PEX5L: variants seen among roughly 807,000 people sequenced by gnomAD.
PEX5L encodes the protein peroxisomal biogenesis factor 5 like.
PEX5L carries 30 observed loss-of-function variants against 84.0 expected under a neutral mutation model. The observed-to-expected ratio is 0.36, with a 90% CI of 0.27 to 0.48. PEX5L has a LOEUF of 0.48. PEX5L is among the 20% of genes least tolerant of loss of function. PEX5L has a pLI of 0.99. For synonymous variants in PEX5L, 270 were observed against 283.1 expected (o/e 0.95, Z 0.46); for missense variants, 533 against 754.6 (o/e 0.71, Z 3.44).
chr3:179,966,446 C>A (rs1783362735), intron 2 of PEX5L, among the ~76,000 whole-genome samples: 1 of 152,138 alleles, frequency 6.6e-6, no homozygotes, highest in Admixed American at 6.6e-5. Context: ...AAAGCATTGG[C>A]CAGATGGGGC....
At chr3:180,024,748 G>C (rs573750212) in intron 1 of PEX5L, among the ~76,000 whole-genome samples, 1 of 152,042 alleles carries the variant, frequency 6.6e-6, no homozygotes, top group South Asian at 2.1e-4. Flanking sequence ...GTCAGGGCTG[G>C]GGGTATAAGC....
chr3:179,900,722 G>T (rs1297013920), intron 2 of PEX5L: 2 of 1,535,272 alleles, frequency 1.3e-6, no homozygotes, highest in African/African-American at 2.7e-5. Context: ...TTTCTTCAAG[G>T]TTACACCTAC....
chr3:179,923,105 C>T (rs185170929), intron 2 of PEX5L, among the ~76,000 whole-genome samples: 223 of 151,110 alleles, frequency 1.5e-3, no homozygotes, highest in Middle Eastern at 3.4e-3. Flanking sequence ...CTGGCTAACA[C>T]GGTGAAAACC....
intron 9 of PEX5L, 43 bp downstream of exon 9, chr3:179,819,808 TCCAAAAAGG>T (rs1727718225): frequency 6.7e-7 from 1 of 1,485,200 alleles, no homozygotes; most frequent in South Asian, 1.1e-5. Context: ...TAAAATATGA[TCCAAAAAGG>T]TGGAGAAAAG....
intron 2 of PEX5L, among the ~76,000 whole-genome samples, chr3:179,955,698 T>C (rs1384249124): frequency 6.6e-6 from 1 of 152,144 alleles, no homozygotes; most frequent in Non-Finnish European, 1.5e-5. Flanking sequence ...TAAAGTACCA[T>C]TATTTCTTTA....
Position 180,004,207 on chromosome 3 carries a change from T to A in PEX5L, c.21+32372A>T, listed in dbSNP as rs1446874550. ...ATATCTTACCAGTAGATTTCTATGG[T>A]CCTCAAACGTAATGTTTAGAGACCA... On this transcript the variant is annotated intron_variant, in intron 1 of 14. Coordinates refer to ENST00000467460, the MANE Select transcript of PEX5L (RefSeq NM_016559.3). Among the ~76,000 whole-genome samples, 10 of 152,356 alleles carry A rather than the reference T, an allele frequency of 6.6e-5. No individual in the cohort carries two copies. In the South Asian group the frequency reaches 1.0e-3, roughly 16 times the overall value.
In PEX5L at chr3:179,795,363, T is replaced by G. The variant is rs959736980; in HGVS notation, c.*6465A>C. ...GTACAAAAATACTACCTTAATCTTG[T>G]TACGCAAATTAGAAGCCAACTGAGT... On this transcript the variant is annotated 3_prime_UTR_variant, in exon 15 of 15. Transcript: ENST00000467460. 1.3e-5 allele frequency: 2 copies of G among 152,202 alleles called. No homozygotes were observed. Among genetic ancestry groups the G allele is most frequent in the East Asian group, 3.8e-4 (2 of 5,208 alleles). The allele number at this position is 152,202 out of a possible 1,614,324, so 9.4% of individuals were successfully genotyped here.
At chr3:179,818,807 G>A (rs1317987451) in intron 9 of PEX5L, among the ~76,000 whole-genome samples, 1 of 151,254 alleles carries the variant, frequency 6.6e-6, no homozygotes, top group Non-Finnish European at 1.5e-5. Context: ...ATGGCTGAAT[G>A]GTACTCCATT....
chr3:179,928,140 G>T (rs1454763602), intron 2 of PEX5L, among the ~76,000 whole-genome samples: 1 of 152,128 alleles, frequency 6.6e-6, no homozygotes, highest in Non-Finnish European at 1.5e-5. Flanking sequence ...TTTAACATTT[G>T]CCAACAATTC....
At chr3:179,910,527 TA>T (rs1427694611) in intron 2 of PEX5L, among the ~76,000 whole-genome samples, 1 of 152,184 alleles carries the variant, frequency 6.6e-6, no homozygotes, top group Admixed American at 6.5e-5. Flanking sequence ...GAAAACAAAT[TA>T]AAAAAAGAAC....
chr3:179,919,350 T>G (rs1324203800), intron 2 of PEX5L, among the ~76,000 whole-genome samples: 1 of 152,224 alleles, frequency 6.6e-6, no homozygotes, highest in South Asian at 2.1e-4. Context: ...TTGATAAGTA[T>G]GTATGAGCTA....
At chr3:179,995,385 G>A (rs1787794280) in intron 1 of PEX5L, among the ~76,000 whole-genome samples, 1 of 151,792 alleles carries the variant, frequency 6.6e-6, no homozygotes, top group Non-Finnish European at 1.5e-5. Context: ...TTCTGGAGTT[G>A]GCTGCTTAAT....
At chr3:180,023,782 A>T (rs1373672395) in intron 1 of PEX5L, among the ~76,000 whole-genome samples, 21 of 146,072 alleles carry the variant, frequency 1.4e-4, no homozygotes, top group Admixed American at 1.4e-3. Flanking sequence ...AGAGAGAGAG[A>T]GAGAGAGAGA....
At chr3:179,922,198 T>TG (rs1769665686) in intron 2 of PEX5L, among the ~76,000 whole-genome samples, 1 of 152,188 alleles carries the variant, frequency 6.6e-6, no homozygotes, top group South Asian at 2.1e-4. Context: ...TGTCCCAGGC[T>TG]GGGGGAATGT....
intron 7 of PEX5L, among the ~76,000 whole-genome samples, chr3:179,871,261 C>A (rs951251703): frequency 6.6e-6 from 1 of 151,988 alleles, no homozygotes; most frequent in African/African-American, 2.4e-5. Flanking sequence ...CACCACCAGG[C>A]CTGGCTAAAT....
chr3:179,873,008 G>T (rs1750889529), intron 7 of PEX5L, among the ~76,000 whole-genome samples: 1 of 152,160 alleles, frequency 6.6e-6, no homozygotes, highest in Admixed American at 6.5e-5. Context: ...TAAGATCTGG[G>T]AGCAGTAATC....
At chr3:179,942,690 G>A (rs556828862) in intron 2 of PEX5L, among the ~76,000 whole-genome samples, 1 of 152,342 alleles carries the variant, frequency 6.6e-6, no homozygotes, top group Admixed American at 6.5e-5. Flanking sequence ...GAGTTCACCT[G>A]TCAACTGAGT....
At chr3:179,812,365 C>T (rs1348658749) in intron 10 of PEX5L, among the ~76,000 whole-genome samples, 9 of 152,104 alleles carry the variant, frequency 5.9e-5, no homozygotes, top group Non-Finnish European at 1.3e-4. Context: ...CAAAATCTCC[C>T]ATGATGTGTT....
chr3:179,922,451 C>CTTTTTTT (rs35332742), intron 2 of PEX5L, among the ~76,000 whole-genome samples: 5 of 134,048 alleles, frequency 3.7e-5, no homozygotes, highest in African/African-American at 5.5e-5. Context: ...CTTTTCTTTT[C>CTTTTTTT]TTTTTTTTTT....
Sources: allele counts gnomAD v4.1 joint callset (sites outside exome capture counted in the v4.1 genomes callset), GRCh38; gene constraint gnomAD v4.1.1; transcripts MANE v1.5; gene names NCBI Gene and HGNC (gene_info 2026-07-23, HGNC 2026-07-21).